The following GRIK1 variants were observed in gnomAD, a reference collection of about 807,000 sequenced individuals.
The protein encoded by GRIK1 is glutamate ionotropic receptor kainate type subunit 1.
A neutral mutation model predicts 105.7 loss-of-function variants in GRIK1; 69 were observed. That is an observed-to-expected ratio of 0.65 (90% CI 0.54 to 0.80). The LOEUF (loss-of-function observed/expected upper bound fraction) is 0.80, where lower values mean the gene tolerates loss of function less well. Ranked by LOEUF, GRIK1 falls within the 30% of genes least tolerant of loss-of-function variation. GRIK1 has a pLI of 0.00. For synonymous variants in GRIK1, 438 were observed against 431.3 expected (o/e 1.02, Z -0.19); for missense variants, 1,109 against 1,167.3 (o/e 0.95, Z 0.73).
chr21:29,766,108 A>C (rs896713122), intron 1 of GRIK1, among the ~76,000 whole-genome samples: 5 of 152,012 alleles, frequency 3.3e-5, no homozygotes, highest in East Asian at 1.9e-4. Flanking sequence ...CTTGGCCTCC[A>C]AAAGTGCTGG....
intron 4 of GRIK1, among the ~76,000 whole-genome samples, chr21:29,663,732 T>G (rs553317967): frequency 6.6e-6 from 1 of 152,306 alleles, no homozygotes; most frequent in African/African-American, 2.4e-5. Context: ...GAGCTCTGCA[T>G]GGCCTGCTAA....
intron 1 of GRIK1, among the ~76,000 whole-genome samples, chr21:29,843,330 T>A (rs970955148): frequency 6.6e-6 from 1 of 152,200 alleles, no homozygotes; most frequent in Admixed American, 6.5e-5. Context: ...TTTTGAGGAC[T>A]TACAATGTTT....
At chr21:29,725,602 TGTA>T (rs2064437004) in intron 1 of GRIK1, among the ~76,000 whole-genome samples, 2 of 152,236 alleles carry the variant, frequency 1.3e-5, no homozygotes, top group Admixed American at 6.5e-5. Context: ...GTAGCCATAA[TGTA>T]GTCCTATTAG....
At chr21:29,704,851 GT>G (rs1285729518) in intron 1 of GRIK1, among the ~76,000 whole-genome samples, 1 of 152,182 alleles carries the variant, frequency 6.6e-6, no homozygotes, top group Non-Finnish European at 1.5e-5. Context: ...CTCATCTCCT[GT>G]TCAACAGCAG....
intron 1 of GRIK1, among the ~76,000 whole-genome samples, chr21:29,694,347 C>T (rs2063651107): frequency 6.6e-6 from 1 of 152,018 alleles, no homozygotes; most frequent in South Asian, 2.1e-4. Flanking sequence ...TGGTCTCGAA[C>T]TCCTGACCTC....
In GRIK1 at chr21:29,892,069, T is replaced by TG. The variant is rs1373940338; in HGVS notation, c.118+47313dup. 3.9e-5 allele frequency among the ~76,000 whole-genome samples: 6 copies of TG among 152,344 alleles called. No homozygotes were observed. The East Asian group carries it at 1.2e-3, about 29-fold the overall frequency. On this transcript the variant is annotated intron_variant, in intron 1 of 17. Coordinates refer to ENST00000327783, the MANE Select transcript of GRIK1 (RefSeq NM_001330994.2). ...CATCTTTATAGATGAATAAAGGTGA[T>TG]GCTGGAATAATTTGCAGAGCTGCAA...
At chr21:29,726,963 T>A (rs2064483082) in intron 1 of GRIK1, among the ~76,000 whole-genome samples, 1 of 152,152 alleles carries the variant, frequency 6.6e-6, no homozygotes. Context: ...AGGGTCTCAC[T>A]CTGTCACCCA....
chr21:29,865,759 G>C lies in GRIK1; in HGVS notation c.118+73624C>G, dbSNP rs186631383. The stretch of plus-strand genomic sequence containing the variant: ...GCATAGTAACTTTGAAACAAATCTT[G>C]GAAATATTTTTCAAAATAAAATATG... On this transcript the variant is annotated intron_variant, in intron 1 of 17. Coordinates refer to ENST00000327783, the MANE Select transcript of GRIK1 (RefSeq NM_001330994.2). Among the ~76,000 whole-genome samples the C allele has an allele frequency of 8.1e-4, 124 of 152,246 alleles. 1 individual carries two copies. The highest frequency in any genetic ancestry group is 3.0e-3 in the African/African-American group (123 of 41,564).
chr21:29,807,416 G>A (rs192472782), intron 1 of GRIK1, among the ~76,000 whole-genome samples: 2 of 152,134 alleles, frequency 1.3e-5, no homozygotes, highest in East Asian at 1.9e-4. Flanking sequence ...AAGTGAGGAC[G>A]GTCATTCTGG....
chr21:29,541,229 G>C (rs190699430), intron 16 of GRIK1, among the ~76,000 whole-genome samples: 8 of 152,208 alleles, frequency 5.3e-5, no homozygotes, highest in African/African-American at 1.9e-4. Flanking sequence ...GCCTTGCAAA[G>C]TGCTGGGATT....
intron 7 of GRIK1, among the ~76,000 whole-genome samples, chr21:29,627,643 T>C (rs1033425846): frequency 2.6e-5 from 4 of 152,330 alleles, no homozygotes; most frequent in Admixed American, 2.6e-4. Context: ...AATCAGTTCT[T>C]ACACCTCAGT....
chr21:29,684,509 A>G (rs763128633), intron 3 of GRIK1, among the ~76,000 whole-genome samples: 1 of 151,946 alleles, frequency 6.6e-6, no homozygotes, highest in Non-Finnish European at 1.5e-5. Flanking sequence ...CAAAAACGCA[A>G]TTACTTTTTT....
intron 1 of GRIK1, among the ~76,000 whole-genome samples, chr21:29,782,926 T>C (rs1601684807): frequency 6.6e-6 from 1 of 152,314 alleles, no homozygotes; most frequent in South Asian, 2.1e-4. Flanking sequence ...TGATCATTTT[T>C]CATCTTGGTG....
intron 1 of GRIK1, among the ~76,000 whole-genome samples, chr21:29,899,435 T>C (rs994023760): frequency 6.6e-6 from 1 of 152,178 alleles, no homozygotes; most frequent in African/African-American, 2.4e-5. Flanking sequence ...TCCTTCAAAG[T>C]TTTTCATGCG....
intron 7 of GRIK1, among the ~76,000 whole-genome samples, chr21:29,611,215 A>G (rs953574878): frequency 1.3e-5 from 2 of 152,168 alleles, no homozygotes; most frequent in Admixed American, 6.6e-5. Flanking sequence ...CTATTGTCTA[A>G]GGTCAAGACT....
At chr21:29,827,614 C>A (rs750841445) in intron 1 of GRIK1, among the ~76,000 whole-genome samples, 4 of 151,462 alleles carry the variant, frequency 2.6e-5, no homozygotes, top group African/African-American at 9.7e-5. Context: ...TTTAGATCAA[C>A]GTAAAAAGAC....
At chr21:29,796,571 A>T (rs1019367936) in intron 1 of GRIK1, among the ~76,000 whole-genome samples, 1 of 152,100 alleles carries the variant, frequency 6.6e-6, no homozygotes, top group Non-Finnish European at 1.5e-5. Flanking sequence ...TCTGATCTCT[A>T]TTATAAGAAG....
chr21:29,720,051 C>T (rs994337209), intron 1 of GRIK1, among the ~76,000 whole-genome samples: 15 of 152,148 alleles, frequency 9.9e-5, no homozygotes, highest in African/African-American at 1.9e-4. Context: ...AAAATTTGAA[C>T]GTTCTAATTT....
chr21:29,625,733 A>T (rs2062111258), intron 7 of GRIK1, among the ~76,000 whole-genome samples: 1 of 152,160 alleles, frequency 6.6e-6, no homozygotes, highest in Non-Finnish European at 1.5e-5. Flanking sequence ...GTTAGGGACC[A>T]TGTCTCTCTT....
Sources: allele counts gnomAD v4.1 joint callset (sites outside exome capture counted in the v4.1 genomes callset), GRCh38; gene constraint gnomAD v4.1.1; transcripts MANE v1.5; gene names NCBI Gene and HGNC (gene_info 2026-07-23, HGNC 2026-07-21).